The following ECE1 variants were observed in gnomAD, a reference collection of about 807,000 sequenced individuals.
ECE1 encodes the protein endothelin-converting enzyme 1.
ECE1 carries 35 observed loss-of-function variants against 98.6 expected under a neutral mutation model. That is an observed-to-expected ratio of 0.35 (90% CI 0.27 to 0.47). ECE1 has a LOEUF of 0.47. Among genes scored for constraint, ECE1 ranks in the 20% least tolerant of loss-of-function variants. The pLI is 1.00. For missense variants in ECE1, 814 were observed against 1,025.3 expected (o/e 0.79, Z 2.81); for synonymous variants, 394 against 407.1 (o/e 0.97, Z 0.39).
intron 1 of ECE1, among the ~76,000 whole-genome samples, chr1:21,311,811 C>T (rs12752629): frequency 0.077 from 11,471 of 149,512 alleles, 590 homozygotes; most frequent in Middle Eastern, 0.15. Context: ...AATCCTGTCT[C>T]AAAAAAAAAT....
chr1:21,233,653 T>C lies in ECE1; in HGVS notation c.1575A>G (p.Ala525=). 1 of 1,613,834 alleles carries C rather than the reference T, an allele frequency of 6.2e-7. No homozygotes were observed. Among genetic ancestry groups the C allele is most frequent in the Non-Finnish European group, 8.5e-7 (1 of 1,179,820 alleles). The change falls in exon 14 of 19, where the codon GCA becomes GCG. Residue 525 remains alanine (A), a synonymous_variant. Transcript: ENST00000374893. This position sits in a 1 kb window ranked among gnomAD's most constrained non-coding sequence, Gnocchi z 4.0. ...ELDKVFNDYT[A]VPDLYFENAM... The stretch of plus-strand genomic sequence containing the variant: ...CATTTTCAAAGTAGAGGTCTGGAAC[T>C]GCAGTGTACTAGAAAAGAAGAAGTG...
intron 10 of ECE1, among the ~76,000 whole-genome samples, chr1:21,240,915 C>T (rs183739483): frequency 2.0e-4 from 30 of 152,250 alleles, no homozygotes; most frequent in African/African-American, 4.8e-4. Context: ...CATTCATTTA[C>T]GCATCCAGCG....
At chr1:21,314,926 C>T (rs111341920) in intron 1 of ECE1, among the ~76,000 whole-genome samples, 2,362 of 152,336 alleles carry the variant, frequency 0.016, 62 homozygotes, top group African/African-American at 0.053. Flanking sequence ...AACTCCTATT[C>T]ACCCTCCAAA....
chr1:21,340,468 CCTT>C lies in ECE1; in HGVS notation c.3+4905_3+4907del, dbSNP rs1436532781. Among the ~76,000 whole-genome samples, 1 of 152,258 alleles carries C rather than the reference CCTT, an allele frequency of 6.6e-6. No individual in the cohort carries two copies. Among genetic ancestry groups the C allele is most frequent in the Non-Finnish European group, 1.5e-5 (1 of 68,046 alleles). The stretch of plus-strand genomic sequence containing the variant: ...TGGTTTCCCAGCCTTCGGCCTCACT[CCTT>C]CTACTCAATCACCACAAAGCAGCCT... On this transcript the variant is annotated intron_variant, in intron 1 of 18. Transcript: ENST00000415912. The surrounding 1 kb of genome is among the most constrained non-coding windows in gnomAD (Gnocchi z 4.6).
intron 1 of ECE1, among the ~76,000 whole-genome samples, chr1:21,325,773 T>G: frequency 6.6e-6 from 1 of 152,206 alleles, no homozygotes; most frequent in Non-Finnish European, 1.5e-5. Flanking sequence ...GGTTCCCACC[T>G]CCTGCTCCAC....
intron 1 of ECE1, among the ~76,000 whole-genome samples, chr1:21,335,774 C>T (rs1489213258): frequency 6.6e-6 from 1 of 152,214 alleles, no homozygotes; most frequent in Admixed American, 6.5e-5. Flanking sequence ...CACCAAACAC[C>T]AGGAGCAAAG....
intron 3 of ECE1, among the ~76,000 whole-genome samples, chr1:21,273,331 GC>G (rs2098242529): frequency 6.9e-6 from 1 of 145,010 alleles, no homozygotes; most frequent in South Asian, 2.3e-4. Context: ...GAAAGTGTGT[GC>G]CCGTGCGTGT....
rs540990167 is a variant in ECE1, at chr1:21,229,175, A to G, written c.1671-1134T>C. On this transcript the variant is annotated intron_variant, in intron 14 of 18. Transcript: ENST00000374893. ...TTTCATTACATCTCAACCCCTGAAT[A>G]CAAGACTTTTTTTTTTTTCTTTTTA... Among the ~76,000 whole-genome samples the G allele has an allele frequency of 2.6e-5, 4 of 151,768 alleles. No individual in the cohort carries two copies. In the South Asian group the frequency reaches 8.3e-4, roughly 32 times the overall value.
At chr1:21,292,235 C>A (rs923858850), upstream of ECE1, among the ~76,000 whole-genome samples, 11 of 152,170 alleles carry the variant, frequency 7.2e-5, no homozygotes, top group Non-Finnish European at 1.6e-4. Context: ...GGAATGAAAT[C>A]CAAACCCTTC....
At chr1:21,241,423 GT>G (rs1223983301) in intron 10 of ECE1, among the ~76,000 whole-genome samples, 282 of 133,328 alleles carry the variant, frequency 2.1e-3, no homozygotes, top group Admixed American at 3.2e-3. Context: ...TGGTTGAGGT[GT>G]TTTTTTTTTT....
intron 4 of ECE1, among the ~76,000 whole-genome samples, chr1:21,271,412 T>C (rs2098240092): frequency 6.6e-6 from 1 of 152,256 alleles, no homozygotes; most frequent in Non-Finnish European, 1.5e-5. Context: ...TAAGAAGATC[T>C]GTCCCCTTTT....
intron 1 of ECE1, among the ~76,000 whole-genome samples, chr1:21,320,543 T>G (rs11811829): frequency 0.022 from 3,318 of 152,342 alleles, 124 homozygotes; most frequent in African/African-American, 0.075. Context: ...GCACTTTCCA[T>G]GTATTATCAA....
At position 21,279,146 on chromosome 1, in the gene ECE1, G is replaced by A. The variant is rs750354817; in HGVS notation, c.280+45C>T. 1.5e-5 allele frequency: 24 copies of A among 1,613,916 alleles called. No homozygotes were observed. The South Asian group carries it at 2.6e-4, about 18-fold the overall frequency. ...CCCTCGCCCGAGCTGACGGAGCCGG[G>A]TGCAGGAGTGAGTCAAGCCCACCAT... On this transcript the variant is annotated intron_variant, in intron 3 of 18. Transcript: ENST00000374893.
intron 10 of ECE1, among the ~76,000 whole-genome samples, chr1:21,243,783 G>A (rs1178248727): frequency 6.6e-6 from 1 of 152,240 alleles, no homozygotes; most frequent in Non-Finnish European, 1.5e-5. Context: ...GGAGCAGGAA[G>A]GCAAGTTGGC....
At chr1:21,325,828 C>T (rs551274297) in intron 1 of ECE1, among the ~76,000 whole-genome samples, 3 of 152,252 alleles carry the variant, frequency 2.0e-5, no homozygotes, top group Non-Finnish European at 4.4e-5. Context: ...GAAGGGGCGG[C>T]AGCAGAGCAT....
Position 21,256,473 on chromosome 1 carries a change from T to TTGAACCCAGGAGGAGGAGGTTGCAG in ECE1, c.829-360_829-336dup, listed in dbSNP as rs1553359080. On this transcript the variant is annotated intron_variant, in intron 7 of 18. Coordinates refer to ENST00000374893, the MANE Select transcript of ECE1 (RefSeq NM_001397.3). ...CAGGAGGCTGAGGCAGGAGAATCAC[T>TTGAACCCAGGAGGAGGAGGTTGCAG]TGAACCCAGGAGGAGGAGGTTGCAG... 2.0e-5 allele frequency among the ~76,000 whole-genome samples: 3 copies of TTGAACCCAGGAGGAGGAGGTTGCAG among 152,080 alleles called. No homozygotes were observed. In the East Asian group the frequency reaches 5.8e-4, roughly 29 times the overall value.
upstream of ECE1, among the ~76,000 whole-genome samples, chr1:21,291,969 AAT>A (rs142312217): frequency 4.8e-5 from 7 of 147,102 alleles, no homozygotes; most frequent in South Asian, 2.1e-4. Flanking sequence ...ACAAAAAGAA[AAT>A]ATATATATAT....
intron 10 of ECE1, among the ~76,000 whole-genome samples, chr1:21,241,435 T>C (rs1177785011): frequency 6.6e-6 from 1 of 151,150 alleles, no homozygotes; most frequent in Non-Finnish European, 1.5e-5. Flanking sequence ...TTTTTTTTTT[T>C]TTTTTGAGAT....
chr1:21,296,459 G>A (rs1638357249), intron 1 of ECE1, among the ~76,000 whole-genome samples: 1 of 152,162 alleles, frequency 6.6e-6, no homozygotes, highest in Non-Finnish European at 1.5e-5. Context: ...GCTACAGTGA[G>A]CTGAGATCAC....
Sources: allele counts gnomAD v4.1 joint callset (sites outside exome capture counted in the v4.1 genomes callset), GRCh38; gene constraint gnomAD v4.1.1; non-coding constraint Gnocchi (gnomAD v3.1); transcripts MANE v1.5; gene names NCBI Gene and HGNC (gene_info 2026-07-23, HGNC 2026-07-21).